The following AKT3 variants were observed in gnomAD, a reference collection of about 807,000 sequenced individuals.
The protein encoded by AKT3 is AKT serine/threonine kinase 3.
AKT3 carries 15 observed loss-of-function variants against 65.3 expected under a neutral mutation model. That is an observed-to-expected ratio of 0.23 (90% confidence interval 0.15 to 0.35). The LOEUF (loss-of-function observed/expected upper bound fraction) is 0.35, where lower values mean the gene tolerates loss of function less well. Ranked by LOEUF, AKT3 falls within the 10% of genes least tolerant of loss-of-function variation. The pLI is 1.00. For synonymous variants in AKT3, 206 were observed against 183.8 expected (o/e 1.12, Z -0.98); for missense variants, 243 against 576.5 (o/e 0.42, Z 5.92).
At chr1:243,640,404 C>T (rs2147821882) in intron 5 of AKT3, among the ~76,000 whole-genome samples, 1 of 152,278 alleles carries the variant, frequency 6.6e-6, no homozygotes, top group South Asian at 2.1e-4. Context: ...TCAACTTTCT[C>T]TCTCCCCGGG....
chr1:243,727,268 T>C (rs893224213), intron 2 of AKT3, among the ~76,000 whole-genome samples: 1 of 152,154 alleles, frequency 6.6e-6, no homozygotes, highest in Non-Finnish European at 1.5e-5. Flanking sequence ...TAAATCAGCA[T>C]ACAATACCAA....
At chr1:243,626,734 C>T (rs1679194823) in intron 6 of AKT3, among the ~76,000 whole-genome samples, 1 of 152,102 alleles carries the variant, frequency 6.6e-6, no homozygotes, top group Non-Finnish European at 1.5e-5. Flanking sequence ...ACTAGAAAGA[C>T]AGGATATGAG....
At chr1:243,831,377 A>G (rs1333495353) in intron 2 of AKT3, among the ~76,000 whole-genome samples, 2 of 152,208 alleles carry the variant, frequency 1.3e-5, no homozygotes, top group African/African-American at 2.4e-5. Context: ...GACAAAAGAA[A>G]TCATTCTAAT....
intron 6 of AKT3, among the ~76,000 whole-genome samples, chr1:243,625,584 A>G (rs1679100565): frequency 6.6e-6 from 1 of 152,186 alleles, no homozygotes; most frequent in South Asian, 2.1e-4. Flanking sequence ...AAAAAAACAG[A>G]CAGTATATCT....
intron 1 of AKT3, among the ~76,000 whole-genome samples, chr1:243,847,942 C>A (rs1454942657): frequency 6.6e-6 from 1 of 152,054 alleles, no homozygotes; most frequent in Admixed American, 6.5e-5. Context: ...GAAAACAATT[C>A]ACTCCAGTAA....
At chr1:243,820,293 C>T (rs1693781247) in intron 2 of AKT3, among the ~76,000 whole-genome samples, 1 of 152,202 alleles carries the variant, frequency 6.6e-6, no homozygotes, top group Non-Finnish European at 1.5e-5. Context: ...AAAATTCCAT[C>T]TAAAGGTCAG....
chr1:243,803,473 AC>A (rs1692502805), intron 2 of AKT3, among the ~76,000 whole-genome samples: 1 of 152,174 alleles, frequency 6.6e-6, no homozygotes, highest in Non-Finnish European at 1.5e-5. Flanking sequence ...AAACACTTTT[AC>A]TTATAAAAAA....
intron 2 of AKT3, among the ~76,000 whole-genome samples, chr1:243,708,211 G>A (rs937117280): frequency 1.5e-4 from 23 of 151,912 alleles, no homozygotes; most frequent in African/African-American, 5.1e-4. Context: ...AAATGATATC[G>A]TCGAATTGAA....
At chr1:243,555,066 T>C (rs180820259) in intron 10 of AKT3, among the ~76,000 whole-genome samples, 25 of 152,352 alleles carry the variant, frequency 1.6e-4, no homozygotes, top group Admixed American at 1.3e-3. Context: ...TATCGATTCT[T>C]AAAATAAGTG....
At chr1:243,623,636 A>G (rs1279703628) in intron 6 of AKT3, among the ~76,000 whole-genome samples, 1 of 152,116 alleles carries the variant, frequency 6.6e-6, no homozygotes, top group Non-Finnish European at 1.5e-5. Context: ...CAGGCTTTAT[A>G]CCAGCAACTC....
intron 2 of AKT3, among the ~76,000 whole-genome samples, chr1:243,764,372 G>A (rs989118023): frequency 1.6e-4 from 24 of 152,034 alleles, no homozygotes; most frequent in African/African-American, 5.1e-4. Context: ...ATACATTTGT[G>A]CCGTGTATCA....
intron 9 of AKT3, among the ~76,000 whole-genome samples, chr1:243,568,305 C>A (rs1674319258): frequency 1.3e-5 from 2 of 152,074 alleles, no homozygotes; most frequent in South Asian, 4.2e-4. Flanking sequence ...TTAATGGATG[C>A]ATCCACTAAC....
intron 8 of AKT3, among the ~76,000 whole-genome samples, chr1:243,601,335 G>A (rs894701085): frequency 6.6e-6 from 1 of 152,014 alleles, no homozygotes; most frequent in Non-Finnish European, 1.5e-5. Flanking sequence ...ATCAGAATAA[G>A]AAAAGAAGTT....
intron 12 of AKT3, among the ~76,000 whole-genome samples, chr1:243,527,896 C>CTCCATCTCTTAAA (rs1671233709): frequency 9.6e-6 from 1 of 104,542 alleles, no homozygotes; most frequent in African/African-American, 3.9e-5. Flanking sequence ...CACACACACA[C>CTCCATCTCTTAAA]ACACACACAC....
intron 2 of AKT3, among the ~76,000 whole-genome samples, chr1:243,735,277 G>T (rs907267979): frequency 6.6e-6 from 1 of 152,092 alleles, no homozygotes; most frequent in African/African-American, 2.4e-5. Context: ...CAATGCAATA[G>T]GTTGGTTTAC....
chr1:243,819,831 G>A (rs188363907), intron 2 of AKT3, among the ~76,000 whole-genome samples: 2 of 152,328 alleles, frequency 1.3e-5, no homozygotes, highest in Non-Finnish European at 2.9e-5. Context: ...CCCCTCTGGT[G>A]ACATCTCCAG....
intron 4 of AKT3, among the ~76,000 whole-genome samples, chr1:243,648,128 G>A (rs1680984015): frequency 6.6e-6 from 1 of 151,838 alleles, no homozygotes; most frequent in Non-Finnish European, 1.5e-5. Context: ...TGTGCTGGCA[G>A]GAGCCTGTAA....
intron 2 of AKT3, among the ~76,000 whole-genome samples, chr1:243,772,772 G>C (rs961726363): frequency 1.3e-5 from 2 of 152,120 alleles, no homozygotes; most frequent in African/African-American, 2.4e-5. Context: ...CAATAGCAAA[G>C]ACTTGGAACC....
chr1:243,522,146 T>C (rs995370488), intron 12 of AKT3, among the ~76,000 whole-genome samples: 2 of 152,226 alleles, frequency 1.3e-5, no homozygotes, highest in African/African-American at 2.4e-5. Context: ...TTATTATAAC[T>C]ATCAGAACTT....
Sources: gnomAD v4.1 joint callset for allele counts (sites outside exome capture counted in the v4.1 genomes callset) on GRCh38, gnomAD v4.1.1 for gene constraint, MANE v1.5 for transcripts, NCBI Gene and HGNC (gene_info 2026-07-23, HGNC 2026-07-21) for gene names.